YIPF1: variants seen among roughly 807,000 people sequenced by gnomAD.
YIPF1 encodes protein YIPF1.
In YIPF1, 22 loss-of-function variants were observed where a neutral mutation model predicts 37.0. The observed-to-expected ratio is 0.59, with a 90% CI of 0.42 to 0.85. The LOEUF is 0.85. YIPF1 is among the 40% of genes least tolerant of loss of function. The pLI is 0.00. For synonymous variants in YIPF1, 128 were observed against 131.9 expected, an observed-to-expected ratio of 0.97 and a Z score of 0.21; for missense variants, 355 against 373.1, an observed-to-expected ratio of 0.95 and a Z score of 0.40.
intron 6 of YIPF1, among the ~76,000 whole-genome samples, chr1:53,872,966 G>A (rs12142958): frequency 0.39 from 58,689 of 151,900 alleles, 11,577 homozygotes; most frequent in East Asian, 0.57. Flanking sequence ...AGCCCCTATA[G>A]CCAAAAAGCT....
intron 10 of YIPF1, among the ~76,000 whole-genome samples, chr1:53,857,966 G>A (rs1649764453): frequency 7.2e-6 from 1 of 139,328 alleles, no homozygotes; most frequent in South Asian, 2.4e-4. Flanking sequence ...GGGCGACAGA[G>A]TGAGACTCCA....
At chr1:53,863,765 A>G (rs1004903518) in intron 9 of YIPF1, among the ~76,000 whole-genome samples, 2 of 152,000 alleles carry the variant, frequency 1.3e-5, no homozygotes, top group Non-Finnish European at 2.9e-5. Flanking sequence ...TTTGAGATGA[A>G]GTCTCGATCT....
In YIPF1 at chr1:53,883,361, A is replaced by G. The variant is rs1196655006; in HGVS notation, c.32-85T>C. The G allele has an allele frequency of 6.4e-6, 9 of 1,397,192 alleles. No individual in the cohort carries two copies. In the African/African-American group the frequency reaches 1.2e-4, roughly 19 times the overall value. 86.5% of individuals were successfully genotyped at this position (1,397,192 alleles called of 1,614,324 possible). ...TTTGAATTTAAAGACAAGCTGTCAC[A>G]ACCTCAGCTTTGCTATAGACCCTAC... On this transcript the variant is annotated intron_variant, in intron 3 of 10. Transcript: ENST00000072644.
chr1:53,888,716 T>C (rs1650721996), intron 3 of YIPF1, among the ~76,000 whole-genome samples, 191 bp downstream of exon 3: 1 of 152,168 alleles, frequency 6.6e-6, no homozygotes, highest in Non-Finnish European at 1.5e-5. Context: ...TCTGAAGGGT[T>C]ATCTGGCAAA....
At chr1:53,854,573 A>G (rs1327320397) in intron 10 of YIPF1, among the ~76,000 whole-genome samples, 1 of 152,186 alleles carries the variant, frequency 6.6e-6, no homozygotes, top group Non-Finnish European at 1.5e-5. Context: ...ATGTCACCAC[A>G]GTCTGATCTG....
intron 7 of YIPF1, among the ~76,000 whole-genome samples, chr1:53,867,144 C>T (rs1272921677): frequency 6.6e-6 from 1 of 152,098 alleles, no homozygotes; most frequent in Non-Finnish European, 1.5e-5. Context: ...CTTTACCATT[C>T]GTCTTTGTGG....
At chr1:53,886,360 T>G (rs926046394) in intron 3 of YIPF1, among the ~76,000 whole-genome samples, 18 of 151,964 alleles carry the variant, frequency 1.2e-4, no homozygotes, top group Non-Finnish European at 2.9e-5. Flanking sequence ...CTTGTCCATC[T>G]CAGCTCCTTG....
At chr1:53,872,747 A>C (rs1650226753) in intron 6 of YIPF1, among the ~76,000 whole-genome samples, 1 of 152,224 alleles carries the variant, frequency 6.6e-6, no homozygotes, top group Admixed American at 6.5e-5. Flanking sequence ...AAAGGCAAGC[A>C]CTGGCCCCTG....
At chr1:53,871,276 G>A in intron 7 of YIPF1, 96 bp downstream of exon 7, 2 of 1,018,044 alleles carry the variant, frequency 2.0e-6, no homozygotes, top group Non-Finnish European at 3.0e-6. Flanking sequence ...AAGCAGGGCT[G>A]CAGCATCTAG....
At chr1:53,853,631 G>A (rs1044571355) in intron 10 of YIPF1, among the ~76,000 whole-genome samples, 10 of 152,196 alleles carry the variant, frequency 6.6e-5, no homozygotes, top group African/African-American at 1.4e-4. Context: ...ATGATACCAC[G>A]AAGGTGAGGC....
At chr1:53,859,729 G>A (rs1649815323) in intron 10 of YIPF1, among the ~76,000 whole-genome samples, 1 of 152,090 alleles carries the variant, frequency 6.6e-6, no homozygotes, top group African/African-American at 2.4e-5. Context: ...TTATAAAATG[G>A]AACAAACCCA....
At chr1:53,889,690 T>C (rs888165098) in intron 1 of YIPF1, 23 bp downstream of exon 1, 1 of 152,166 alleles carries the variant, frequency 6.6e-6, no homozygotes, top group Non-Finnish European at 1.5e-5. Flanking sequence ...CTCGTACAGG[T>C]CCCGCAAACT....
chr1:53,860,007 G>A, intron 10 of YIPF1, 49 bp downstream of exon 10: 3 of 1,573,584 alleles, frequency 1.9e-6, no homozygotes, highest in Non-Finnish European at 2.6e-6. Context: ...TGATACACCT[G>A]CCCATGTTTT....
intron 4 of YIPF1, among the ~76,000 whole-genome samples, chr1:53,881,399 C>G (rs1341571428): frequency 6.6e-6 from 1 of 152,122 alleles, no homozygotes; most frequent in East Asian, 1.9e-4. Flanking sequence ...AGCTTCTGCA[C>G]AGCAAAAGAA....
Position 53,852,023 on chromosome 1 carries a change from CT to C in YIPF1, c.*255del, listed in dbSNP as rs2100713270. ...GCACTGAGCATGCCTAACCTATTCC[CT>C]GGCATTTCAGTCCAATCAGCGCATG... is the stretch of plus-strand genomic sequence containing the variant. On this transcript the variant is annotated 3_prime_UTR_variant, in exon 11 of 11. Coordinates refer to ENST00000072644, the MANE Select transcript of YIPF1 (RefSeq NM_018982.5). The C allele has an allele frequency of 6.6e-6, 1 of 152,348 alleles. No individual in the cohort carries two copies. Among genetic ancestry groups the C allele is most frequent in the South Asian group, 2.1e-4 (1 of 4,832 alleles). 9.4% of individuals were successfully genotyped at this position (152,348 alleles called of 1,614,324 possible).
intron 6 of YIPF1, among the ~76,000 whole-genome samples, chr1:53,873,236 G>T (rs773376248): frequency 6.6e-6 from 1 of 152,154 alleles, no homozygotes; most frequent in African/African-American, 2.4e-5. Context: ...AATCTCAGAA[G>T]GTAGTACAGG....
Position 53,866,904 on chromosome 1 carries a change from T to G in YIPF1, c.502A>C (p.Ile168Leu). 1 of 1,612,994 alleles carries G rather than the reference T, an allele frequency of 6.2e-7. No homozygotes were observed. The highest frequency in any genetic ancestry group is 8.5e-7 in the Non-Finnish European group (1 of 1,179,482). ...FRKVSIAATI[I>L]YAYAWLVPLA... ...GGAACCAGCCAGGCATAGGCATAGA[T>G]GATGGTAGCTGCTATGGACACTGAG... is the stretch of plus-strand genomic sequence containing the variant. Residue 168 changes from isoleucine (I) to leucine (L), a missense_variant, in exon 8 of 11, where the codon ATC becomes CTC. By Grantham distance (5) the Ile-to-Leu change is conservative. Coordinates refer to ENST00000072644, the MANE Select transcript of YIPF1 (RefSeq NM_018982.5).
At chr1:53,852,539 A>T (rs1030765730) in intron 10 of YIPF1, among the ~76,000 whole-genome samples, 6 of 152,236 alleles carry the variant, frequency 3.9e-5, no homozygotes, top group Admixed American at 3.9e-4. Flanking sequence ...CCAGATCCTA[A>T]AGCTACCTTT....
At position 53,866,287 on chromosome 1, in the gene YIPF1, T is replaced by G. The variant is rs1234732105; in HGVS notation, c.744A>C (p.Pro248=). 1 of 1,614,056 alleles carries G rather than the reference T, an allele frequency of 6.2e-7. No individual in the cohort carries two copies. The highest frequency in any genetic ancestry group is 1.3e-5 in the African/African-American group (1 of 74,910). ...CGCGTCGGTTATCCTCACGAACAGC[T>G]GGCCAAAATGTCATTGCCAAGAGAG... ...SGSLLAMTFW[P]AVREDNRRVA... The change falls in exon 9 of 11, where the codon CCA becomes CCC. Residue 248 remains proline (P), a synonymous_variant. Transcript: ENST00000072644.
Sources: gnomAD v4.1 joint callset for allele counts (sites outside exome capture counted in the v4.1 genomes callset) on GRCh38, gnomAD v4.1.1 for gene constraint, MANE v1.5 for transcripts, NCBI Gene and HGNC (gene_info 2026-07-23, HGNC 2026-07-21) for gene names.